HS3ST3A1: variants seen among roughly 807,000 people sequenced by gnomAD.
HS3ST3A1 encodes heparan sulfate glucosamine 3-O-sulfotransferase 3A1.
Under a neutral mutation model 25.7 loss-of-function variants are expected in HS3ST3A1, and 19 were observed. That is an observed-to-expected ratio of 0.74 (90% CI 0.52 to 1.08). HS3ST3A1 has a LOEUF of 1.08. Among genes scored for constraint, HS3ST3A1 ranks in the 50% least tolerant of loss-of-function variants. HS3ST3A1 has a pLI of 0.00. For synonymous variants in HS3ST3A1, 226 were observed against 278.6 expected (o/e 0.81, Z 1.88); for missense variants, 459 against 594.3 (o/e 0.77, Z 2.37).
In HS3ST3A1 at chr17:13,587,156, C is replaced by A. The variant is rs544935083; in HGVS notation, c.599+13375G>T. 3.3e-5 allele frequency among the ~76,000 whole-genome samples: 5 copies of A among 151,478 alleles called. No homozygotes were observed. In the South Asian group the frequency reaches 6.3e-4, roughly 19 times the overall value. ...ATAAAGTCCCAACTCCTTAAACATG[C>A]CCCTTAATAATCTTTGAGGCCGGGC... On this transcript the variant is annotated intron_variant, in intron 1 of 1. Coordinates refer to ENST00000284110, the MANE Select transcript of HS3ST3A1 (RefSeq NM_006042.3).
At chr17:13,497,777 T>C (rs1411195105) in intron 1 of HS3ST3A1, among the ~76,000 whole-genome samples, 2 of 152,234 alleles carry the variant, frequency 1.3e-5, no homozygotes, top group Admixed American at 6.5e-5. Flanking sequence ...TCTTTAGTTA[T>C]TTCATTTTGT....
chr17:13,579,878 G>A (rs1273284721), intron 1 of HS3ST3A1, among the ~76,000 whole-genome samples: 3 of 147,626 alleles, frequency 2.0e-5, no homozygotes, highest in Admixed American at 6.8e-5. Flanking sequence ...AGCCTGGGAG[G>A]CAGAGGTTGC....
chr17:13,523,710 T>C (rs1045657121), intron 1 of HS3ST3A1, among the ~76,000 whole-genome samples: 1 of 152,254 alleles, frequency 6.6e-6, no homozygotes, highest in African/African-American at 2.4e-5. Context: ...TTGGTTGTTT[T>C]TGCCTGCTTT....
At chr17:13,574,986 T>A (rs1907914996) in intron 1 of HS3ST3A1, among the ~76,000 whole-genome samples, 3 of 152,248 alleles carry the variant, frequency 2.0e-5, no homozygotes, top group Admixed American at 1.3e-4. Flanking sequence ...TGCATCCACA[T>A]ATGCTTCCCT....
intron 1 of HS3ST3A1, among the ~76,000 whole-genome samples, chr17:13,509,366 GA>G (rs1297613103): frequency 6.6e-6 from 1 of 152,044 alleles, no homozygotes; most frequent in Non-Finnish European, 1.5e-5. Flanking sequence ...AATAAATAGA[GA>G]AAAATTAAAA....
At chr17:13,563,698 A>T (rs1907606460) in intron 1 of HS3ST3A1, among the ~76,000 whole-genome samples, 1 of 152,182 alleles carries the variant, frequency 6.6e-6, no homozygotes, top group African/African-American at 2.4e-5. Flanking sequence ...GCAAAGCCTC[A>T]GGAAACAGCC....
intron 1 of HS3ST3A1, among the ~76,000 whole-genome samples, chr17:13,557,759 G>A (rs980232357): frequency 3.3e-5 from 5 of 152,186 alleles, no homozygotes; most frequent in Non-Finnish European, 7.3e-5. Flanking sequence ...ATGGGAACAG[G>A]AAGAGGAGCA....
intron 1 of HS3ST3A1, among the ~76,000 whole-genome samples, chr17:13,580,443 T>G (rs1417287360): frequency 6.6e-6 from 1 of 152,112 alleles, no homozygotes; most frequent in African/African-American, 2.4e-5. Context: ...TAAAATCAGA[T>G]CAGCAAAACA....
intron 1 of HS3ST3A1, among the ~76,000 whole-genome samples, chr17:13,529,456 T>TA (rs77143656): frequency 1.3e-4 from 19 of 151,778 alleles, no homozygotes; most frequent in African/African-American, 4.1e-4. Context: ...TTGCTTTTAT[T>TA]AAAAAAAAAT....
At chr17:13,563,547 C>T (rs1907601721) in intron 1 of HS3ST3A1, among the ~76,000 whole-genome samples, 1 of 152,112 alleles carries the variant, frequency 6.6e-6, no homozygotes, top group African/African-American at 2.4e-5. Context: ...GTGTTGACCC[C>T]AGTGTGGGGG....
chr17:13,541,768 G>A (rs1407190873), intron 1 of HS3ST3A1, among the ~76,000 whole-genome samples: 1 of 152,192 alleles, frequency 6.6e-6, no homozygotes, highest in Non-Finnish European at 1.5e-5. Flanking sequence ...CATTCGTTCA[G>A]TGGGCACAAA....
chr17:13,533,152 T>C (rs1217828782), intron 1 of HS3ST3A1, among the ~76,000 whole-genome samples: 2 of 152,144 alleles, frequency 1.3e-5, no homozygotes, highest in Non-Finnish European at 2.9e-5. Flanking sequence ...AAGTGTAAAA[T>C]ATCTACATGT....
intron 1 of HS3ST3A1, chr17:13,555,834 T>G (rs1907358617): frequency 6.6e-6 from 1 of 152,184 alleles, no homozygotes; most frequent in African/African-American, 2.4e-5. Flanking sequence ...TAAATGTGTC[T>G]GAGAGTATAT....
intron 1 of HS3ST3A1, among the ~76,000 whole-genome samples, chr17:13,577,126 T>A (rs1173911875): frequency 6.6e-6 from 1 of 152,188 alleles, no homozygotes; most frequent in Non-Finnish European, 1.5e-5. Flanking sequence ...TATTCACTAT[T>A]GCAAGAACAG....
intron 1 of HS3ST3A1, among the ~76,000 whole-genome samples, chr17:13,587,916 C>A (rs1296065917): frequency 6.6e-6 from 1 of 152,194 alleles, no homozygotes; most frequent in Non-Finnish European, 1.5e-5. Flanking sequence ...TCCCACACAG[C>A]CACAGGGAGC....
chr17:13,497,855 A>T (rs970286839), intron 1 of HS3ST3A1, among the ~76,000 whole-genome samples: 5 of 152,126 alleles, frequency 3.3e-5, no homozygotes, highest in African/African-American at 9.7e-5. Context: ...CTGATGATAG[A>T]TTTGTTACTT....
At chr17:13,517,960 A>G (rs1906108350) in intron 1 of HS3ST3A1, among the ~76,000 whole-genome samples, 1 of 152,206 alleles carries the variant, frequency 6.6e-6, no homozygotes, top group Non-Finnish European at 1.5e-5. Flanking sequence ...TTATTTTCTA[A>G]TAGAGTTTTA....
At position 13,521,156 on chromosome 17, in the gene HS3ST3A1, G is replaced by A. The variant is rs569909656; in HGVS notation, c.600-24338C>T. Reference sequence around the variant, plus strand: ...GAGTCACCATTTGCCTCTTGGCCGGGTTGGTCTACAGACTCCATCAGAAGT... The same window carrying A: ...GAGTCACCATTTGCCTCTTGGCCGGATTGGTCTACAGACTCCATCAGAAGT... On this transcript the variant is annotated intron_variant, in intron 1 of 1. Transcript: ENST00000284110. Among the ~76,000 whole-genome samples the A allele has an allele frequency of 2.0e-5, 3 of 152,252 alleles. No individual in the cohort carries two copies. The South Asian group carries it at 6.2e-4, about 32-fold the overall frequency.
At chr17:13,540,005 C>T (rs565691012) in intron 1 of HS3ST3A1, among the ~76,000 whole-genome samples, 1 of 152,304 alleles carries the variant, frequency 6.6e-6, no homozygotes, top group South Asian at 2.1e-4. Flanking sequence ...AAGCCTAAAT[C>T]CCCTCTCTAA....
Sources: gnomAD v4.1 joint callset for allele counts (sites outside exome capture counted in the v4.1 genomes callset) on GRCh38, gnomAD v4.1.1 for gene constraint, MANE v1.5 for transcripts, NCBI Gene and HGNC (gene_info 2026-07-23, HGNC 2026-07-21) for gene names.